The following PIK3R2 variants were observed in gnomAD, a reference collection of about 807,000 sequenced individuals.
The protein encoded by PIK3R2 is phosphatidylinositol 3-kinase regulatory subunit beta.
Under a neutral mutation model 78.5 loss-of-function variants are expected in PIK3R2, and 40 were observed. The observed-to-expected ratio is 0.51, with a 90% confidence interval of 0.40 to 0.66. The LOEUF is 0.66. PIK3R2 is among the 30% of genes least tolerant of loss of function. PIK3R2 has a pLI of 0.00. For missense variants in PIK3R2, 880 were observed against 1,026.6 expected (o/e 0.86, Z 1.95); for synonymous variants, 473 against 457.7 (o/e 1.03, Z -0.43).
Position 18,156,336 on chromosome 19 carries a change from G to T in PIK3R2, c.322+135G>T, listed in dbSNP as rs1211246988. On this transcript the variant is annotated intron_variant, in intron 2 of 15. Coordinates refer to ENST00000222254, the MANE Select transcript of PIK3R2 (RefSeq NM_005027.4). This position sits in a 1 kb window ranked among gnomAD's most constrained non-coding sequence, Gnocchi z 4.2. Reference sequence around the variant, plus strand: ...TTTGGTCATTTGACAAGTGTCTTCAGTGCTAGGCTCAGCAGTGGACACAAG... The same window carrying T: ...TTTGGTCATTTGACAAGTGTCTTCATTGCTAGGCTCAGCAGTGGACACAAG... 4.3e-6 allele frequency: 3 copies of T among 691,566 alleles called. No homozygotes were observed. Among genetic ancestry groups the T allele is most frequent in the Non-Finnish European group, 6.7e-6 (3 of 450,256 alleles). 42.8% of individuals were successfully genotyped at this position (691,566 alleles called of 1,614,324 possible).
At chr19:18,157,643 C>T (rs1472726549) in intron 2 of PIK3R2, among the ~76,000 whole-genome samples, 2 of 151,888 alleles carry the variant, frequency 1.3e-5, no homozygotes, top group Non-Finnish European at 2.9e-5. Context: ...CCTCCCCATT[C>T]TGCAGATTGA....
intron 9 of PIK3R2, 161 bp from the exon 10 acceptor site, chr19:18,162,806 C>T: frequency 1.5e-6 from 1 of 646,068 alleles, no homozygotes. Flanking sequence ...AGGAGAATTG[C>T]TTGAACCCGG....
Position 18,162,513 on chromosome 19 carries a change from G to T in PIK3R2, c.1109+7G>T. 6.2e-7 allele frequency: 1 copy of T among 1,610,088 alleles called. No homozygotes were observed. Among genetic ancestry groups the T allele is most frequent in the Non-Finnish European group, 8.5e-7 (1 of 1,177,448 alleles). On this transcript the variant is annotated splice_region_variant and intron_variant, in intron 9 of 15. Transcript: ENST00000222254. ...AGTACACGCTGACCCTCAGGTGGGG[G>T]CCTGTCCCTGCAAGGATAACCGGGG...
Position 18,169,278 on chromosome 19 carries a change from C to A in PIK3R2, c.2171C>A (p.Pro724Gln), listed in dbSNP as rs1239460949. Residue 724 changes from proline (P) to glutamine (Q), a missense_variant, in exon 16 of 16, where the codon CCG (proline) becomes CAG (glutamine). Pro to Gln is a moderately conservative substitution (Grantham distance 76). Transcript: ENST00000222254. ...HPVRAPGPGP[P>Q]PAAR ...GTGCGCGCCCCGGGCCCCGGCCCGC[C>A]GCCTGCCGCCCGCTGAGCACCGAGG... is the stretch of plus-strand genomic sequence containing the variant. The A allele has an allele frequency of 6.6e-7, 1 of 1,506,966 alleles. No individual in the cohort carries two copies. The highest frequency in any genetic ancestry group is 8.8e-7 in the Non-Finnish European group (1 of 1,134,182). 93.3% of individuals were successfully genotyped at this position (1,506,966 alleles called of 1,614,324 possible).
In PIK3R2 at chr19:18,161,116, T is replaced by G; in HGVS notation, c.529T>G (p.Phe177Val). The part of the protein sequence containing the change: ...TAALADGIKS[F>V]LLALPAPLVT... The stretch of plus-strand genomic sequence containing the variant: ...AGCCCTGGCTGACGGCATTAAGAGC[T>G]TCCTGCTGGCACTGCCCGCGCCGCT... Residue 177 changes from phenylalanine (F) to valine (V), a missense_variant, in exon 5 of 16, where the codon TTC becomes GTC. Physicochemically the swap from Phe to Val is conservative, Grantham distance 50 (BLOSUM62 -1). Coordinates refer to ENST00000222254, the MANE Select transcript of PIK3R2 (RefSeq NM_005027.4). This position sits in a 1 kb window ranked among gnomAD's most constrained non-coding sequence, Gnocchi z 5.3. 1 of 1,589,368 alleles carries G rather than the reference T, an allele frequency of 6.3e-7. No homozygotes were observed. The highest frequency in any genetic ancestry group is 8.6e-7 in the Non-Finnish European group (1 of 1,168,818).
intron 1 of PIK3R2, among the ~76,000 whole-genome samples, chr19:18,153,677 G>C (rs1185658547): frequency 6.6e-6 from 1 of 152,194 alleles, no homozygotes; most frequent in East Asian, 1.9e-4. Context: ...CCCTAGCCGG[G>C]TGGCCGGGTC....
Position 18,155,817 on chromosome 19 carries a change from A to G in PIK3R2, c.-63A>G, listed in dbSNP as rs2043670986. 3 of 1,428,284 alleles carry G rather than the reference A, an allele frequency of 2.1e-6. No homozygotes were observed. Among genetic ancestry groups the G allele is most frequent in the South Asian group, 1.4e-5 (1 of 71,636 alleles). The allele number at this position is 1,428,284 out of a possible 1,614,324, so 88.5% of individuals were successfully genotyped here. ...GACCCTCCCAGCCCTGCTTCAACCA[A>G]TGGGGCCAGTGGGGCTCCAAGCAGC... On this transcript the variant is annotated 5_prime_UTR_variant, in exon 2 of 16. It removes an upstream start codon present in the reference 5' UTR. Coordinates refer to ENST00000222254, the MANE Select transcript of PIK3R2 (RefSeq NM_005027.4).
Position 18,162,181 on chromosome 19 carries a change from ATT to A in PIK3R2, c.902-19_902-18del. On this transcript the variant is annotated intron_variant, in intron 7 of 15. Coordinates refer to ENST00000222254, the MANE Select transcript of PIK3R2 (RefSeq NM_005027.4). Reference sequence around the variant, plus strand: ...AGTATACAGTCGGTGCTCAGGATGCATTTGTTTTCCTGTCCCCCAGCGCTGCC... The same window carrying A: ...AGTATACAGTCGGTGCTCAGGATGCATGTTTTCCTGTCCCCCAGCGCTGCC... 6.9e-7 allele frequency: 1 copy of A among 1,453,120 alleles called. No individual in the cohort carries two copies. The highest frequency in any genetic ancestry group is 9.7e-7 in the Non-Finnish European group (1 of 1,035,750). 90.0% of individuals were successfully genotyped at this position (1,453,120 alleles called of 1,614,324 possible). A position where few individuals can be genotyped will look rare whatever the true frequency, so the allele number is the denominator to read the frequency against.
chr19:18,161,237 G>C lies in PIK3R2; in HGVS notation c.599-42G>C. ...AGGAGGGGGCTGTAGCGGGTGGGAG[G>C]GCCCAGGCCTGGCTCACCCTGCCCT... On this transcript the variant is annotated intron_variant, in intron 5 of 15. Coordinates refer to ENST00000222254, the MANE Select transcript of PIK3R2 (RefSeq NM_005027.4). This position sits in a 1 kb window ranked among gnomAD's most constrained non-coding sequence, Gnocchi z 5.3. The C allele has an allele frequency of 6.7e-7, 1 of 1,503,196 alleles. No individual in the cohort carries two copies. Among genetic ancestry groups the C allele is most frequent in the Non-Finnish European group, 8.9e-7 (1 of 1,129,698 alleles). 93.1% of individuals were successfully genotyped at this position (1,503,196 alleles called of 1,614,324 possible).
intron 11 of PIK3R2, 147 bp from the exon 12 acceptor site, chr19:18,166,013 T>C (rs2043806065): frequency 2.0e-6 from 2 of 1,002,014 alleles, no homozygotes; most frequent in Admixed American, 1.7e-5. Flanking sequence ...TAGGAGTTCA[T>C]TTGGTGCAGC....
intron 2 of PIK3R2, among the ~76,000 whole-genome samples, chr19:18,158,885 C>T (rs1313689504): frequency 1.3e-5 from 2 of 152,078 alleles, no homozygotes; most frequent in African/African-American, 4.8e-5. Flanking sequence ...TCTTGTCGCC[C>T]AGGCTGGAGT....
chr19:18,158,259 C>T (rs1168168281), intron 2 of PIK3R2, among the ~76,000 whole-genome samples: 3 of 152,068 alleles, frequency 2.0e-5, no homozygotes, highest in South Asian at 2.1e-4. Context: ...GAGGCCAAGG[C>T]GGGTGGATCA....
rs889339928 is a variant in PIK3R2, at chr19:18,156,287, T to G, written c.322+86T>G. ...TTCTGTCCAGTGAGGCAATGGGATCTCCAAGGAAGGAGGAAAAAGGACATT... is the reference window on the plus strand; with the variant it reads ...TTCTGTCCAGTGAGGCAATGGGATCGCCAAGGAAGGAGGAAAAAGGACATT... On this transcript the variant is annotated intron_variant, in intron 2 of 15. Coordinates refer to ENST00000222254, the MANE Select transcript of PIK3R2 (RefSeq NM_005027.4). The surrounding 1 kb of genome is among the most constrained non-coding windows in gnomAD (Gnocchi z 4.2). 2.8e-6 allele frequency: 3 copies of G among 1,077,400 alleles called. No individual in the cohort carries two copies. The African/African-American group carries it at 5.0e-5, about 18-fold the overall frequency. The allele number at this position is 1,077,400 out of a possible 1,614,324, so 66.7% of individuals were successfully genotyped here.
At chr19:18,158,999 G>A (rs553810718) in intron 2 of PIK3R2, among the ~76,000 whole-genome samples, 26 of 151,720 alleles carry the variant, frequency 1.7e-4, no homozygotes, top group African/African-American at 5.8e-4. Context: ...GTGCCACCAC[G>A]CCTGGCTAAT....
rs1372568022 is a variant in PIK3R2, at chr19:18,161,148, C to T, written c.561C>T (p.Thr187=). ...FLLALPAPLV[T]PEASAEARRA... ...TGGCACTGCCCGCGCCGCTCGTGAC[C>T]CCCGAGGCCTCGGCCGAGGCGCGCC... Residue 187 remains threonine, a synonymous_variant, in exon 5 of 16, where the codon ACC becomes ACT. Transcript: ENST00000222254. The surrounding 1 kb of genome is among the most constrained non-coding windows in gnomAD (Gnocchi z 5.3). The T allele has an allele frequency of 6.4e-7, 1 of 1,552,544 alleles. No homozygotes were observed.
At position 18,167,064 on chromosome 19, in the gene PIK3R2, A is replaced by G; in HGVS notation, c.1560-66A>G. 1 of 1,386,556 alleles carries G rather than the reference A, an allele frequency of 7.2e-7. No individual in the cohort carries two copies. The allele number at this position is 1,386,556 out of a possible 1,614,324, so 85.9% of individuals were successfully genotyped here. A position where few individuals can be genotyped will look rare whatever the true frequency, so the allele number is the denominator to read the frequency against. The stretch of plus-strand genomic sequence containing the variant: ...GGTAGGAGGGTCACCTGAGCCCAGG[A>G]GTTTGAGGGTGCAGTGAGCCGAGAT... On this transcript the variant is annotated intron_variant, in intron 12 of 15. Transcript: ENST00000222254. The surrounding 1 kb of genome is among the most constrained non-coding windows in gnomAD (Gnocchi z 4.5).
rs1444580179 is a variant in PIK3R2 at position 18,163,245 on chromosome 19, T to G, written c.1291-18T>G. 1.9e-6 allele frequency: 3 copies of G among 1,613,876 alleles called. No individual in the cohort carries two copies. The highest frequency in any genetic ancestry group is 1.7e-6 in the Non-Finnish European group (2 of 1,179,972). On this transcript the variant is annotated intron_variant, in intron 10 of 15. Transcript: ENST00000222254. ...GACCAGGCTATGCATCTCCCCTCAT[T>G]CCGCCACGTATCTCCAGGACCAGAT...
In PIK3R2 at chr19:18,168,881, A is replaced by G. The variant is rs762499879; in HGVS notation, c.1964A>G (p.Tyr655Cys). ...CGCGAGAGCAGCCAGCGGGGCTGCT[A>G]CGCCTGCTCCGTGGTGTGAGTGGAC... ...LIRESSQRGC[Y>C]ACSVVVDGDT... Residue 655 changes from tyrosine (Y) to cysteine (C), a missense_variant, in exon 15 of 16, where the codon TAC (tyrosine) becomes TGC (cysteine). Tyr to Cys is a radical substitution (Grantham distance 194). Transcript: ENST00000222254. The surrounding 1 kb of genome is among the most constrained non-coding windows in gnomAD (Gnocchi z 4.1). The G allele has an allele frequency of 3.4e-5, 55 of 1,612,820 alleles. No individual in the cohort carries two copies. Among genetic ancestry groups the G allele is most frequent in the Non-Finnish European group, 4.2e-6 (5 of 1,179,474 alleles).
chr19:18,164,577 A>G (rs2043787449), intron 11 of PIK3R2, among the ~76,000 whole-genome samples: 1 of 151,996 alleles, frequency 6.6e-6, no homozygotes, highest in South Asian at 2.1e-4. Context: ...CAGGTGGAAC[A>G]GCTGGGAATT....
Sources: allele counts gnomAD v4.1 joint callset (sites outside exome capture counted in the v4.1 genomes callset), GRCh38; gene constraint gnomAD v4.1.1; non-coding constraint Gnocchi (gnomAD v3.1); transcripts MANE v1.5; gene names NCBI Gene and HGNC (gene_info 2026-07-23, HGNC 2026-07-21).